The following NOVA1 variants were observed in gnomAD, a reference collection of about 807,000 sequenced individuals.
NOVA1 encodes RNA-binding protein Nova-1.
A neutral mutation model predicts 38.0 loss-of-function variants in NOVA1; 7 were observed. The observed-to-expected ratio is 0.18, with a 90% CI of 0.10 to 0.35. NOVA1 has a LOEUF of 0.35. NOVA1 is among the 10% of genes least tolerant of loss of function. NOVA1 has a pLI of 1.00. For missense variants in NOVA1, 460 were observed against 616.0 expected (o/e 0.75, Z 2.68); for synonymous variants, 270 against 232.5 (o/e 1.16, Z -1.47).
Position 26,476,180 on chromosome 14 carries a change from T to C in NOVA1, c.448-3789A>G, listed in dbSNP as rs554067336. 1.6e-3 allele frequency among the ~76,000 whole-genome samples: 241 copies of C among 152,322 alleles called. 5 individuals are homozygous for C. Among genetic ancestry groups the C allele is most frequent in the South Asian group, 0.015 (74 of 4,830 alleles). On this transcript the variant is annotated intron_variant, in intron 3 of 4. Coordinates refer to ENST00000539517, the MANE Select transcript of NOVA1 (RefSeq NM_002515.3). ...AATTTCTGACAAATATCTTCCTCTT[T>C]CCAACATGTGAACTGTCTTCCAGCA... is the stretch of plus-strand genomic sequence containing the variant.
chr14:26,500,749 G>T (rs1887191172), intron 2 of NOVA1, among the ~76,000 whole-genome samples: 1 of 151,880 alleles, frequency 6.6e-6, no homozygotes, highest in Admixed American at 6.6e-5. Flanking sequence ...AAATATAATT[G>T]TGTTATATAA....
chr14:26,566,882 T>C (rs1686128708), intron 2 of NOVA1, among the ~76,000 whole-genome samples: 1 of 152,142 alleles, frequency 6.6e-6, no homozygotes, highest in Admixed American at 6.5e-5. Flanking sequence ...CTTTTTAAAA[T>C]CTTCCTTAAG....
chr14:26,468,873 C>T (rs1442871664), intron 4 of NOVA1, among the ~76,000 whole-genome samples: 3 of 152,062 alleles, frequency 2.0e-5, no homozygotes, highest in African/African-American at 4.8e-5. Flanking sequence ...TTATTCTTTT[C>T]ATGAAATTTC....
At chr14:26,574,873 G>C (rs996371646) in intron 2 of NOVA1, among the ~76,000 whole-genome samples, 1 of 151,920 alleles carries the variant, frequency 6.6e-6, no homozygotes, top group African/African-American at 2.4e-5. Context: ...TGTTGCCCAG[G>C]CTGGTCTGAA....
chr14:26,523,431 T>C (rs1889046257), intron 2 of NOVA1, among the ~76,000 whole-genome samples: 1 of 152,214 alleles, frequency 6.6e-6, no homozygotes, highest in Non-Finnish European at 1.5e-5. Flanking sequence ...TCACATTCTC[T>C]TCTCTTCTTG....
Position 26,536,541 on chromosome 14 carries a change from T to G in NOVA1, c.281-56398A>C, listed in dbSNP as rs868338215. ...AAATTAAAAAAAATTTAAAAAGATA[T>G]AGCTGGCATAACTAGATTACTATTT... On this transcript the variant is annotated intron_variant, in intron 2 of 4. Coordinates refer to ENST00000539517, the MANE Select transcript of NOVA1 (RefSeq NM_002515.3). Among the ~76,000 whole-genome samples, 34 of 151,632 alleles carry G rather than the reference T, an allele frequency of 2.2e-4. 1 individual carries two copies. Among genetic ancestry groups the G allele is most frequent in the Non-Finnish European group, 4.4e-5 (3 of 67,906 alleles).
At chr14:26,488,066 A>G (rs1886057294) in intron 2 of NOVA1, among the ~76,000 whole-genome samples, 1 of 152,318 alleles carries the variant, frequency 6.6e-6, no homozygotes, top group East Asian at 1.9e-4. Flanking sequence ...AAAAAAAGAA[A>G]TCATAGGAAT....
chr14:26,580,014 C>T (rs1893111370), intron 2 of NOVA1, among the ~76,000 whole-genome samples: 1 of 151,968 alleles, frequency 6.6e-6, no homozygotes, highest in South Asian at 2.1e-4. Flanking sequence ...ACCATCTCAG[C>T]CTCCCAAGTA....
Position 26,447,802 on chromosome 14 carries a change from CAT to C in NOVA1, c.*155_*156del. On this transcript the variant is annotated 3_prime_UTR_variant, in exon 5 of 5. Coordinates refer to ENST00000539517, the MANE Select transcript of NOVA1 (RefSeq NM_002515.3). ...TTTCTATGAAACATCTGGTAAAACA[CAT>C]ATTATTTACATATACACATTGTCAA... is the stretch of plus-strand genomic sequence containing the variant. 1 of 632,004 alleles carries C rather than the reference CAT, an allele frequency of 1.6e-6. No individual in the cohort carries two copies. The allele number at this position is 632,004 out of a possible 1,614,324, so 39.1% of individuals were successfully genotyped here.
At chr14:26,520,715 AG>A (rs1217419291) in intron 2 of NOVA1, among the ~76,000 whole-genome samples, 5 of 152,218 alleles carry the variant, frequency 3.3e-5, no homozygotes, top group Admixed American at 6.5e-5. Context: ...AATTTTAGTG[AG>A]GGGACAAATT....
At chr14:26,562,343 G>C (rs1202300849) in intron 2 of NOVA1, among the ~76,000 whole-genome samples, 1 of 152,056 alleles carries the variant, frequency 6.6e-6, no homozygotes, top group Admixed American at 6.6e-5. Context: ...AATGGGATTG[G>C]TTTGAGTATC....
intron 2 of NOVA1, among the ~76,000 whole-genome samples, chr14:26,540,674 T>C (rs1256328691): frequency 1.3e-5 from 2 of 152,206 alleles, no homozygotes; most frequent in Non-Finnish European, 1.5e-5. Context: ...GTGGTAACAC[T>C]AATAAGAGTA....
At chr14:26,525,910 C>A (rs2138525093) in intron 2 of NOVA1, among the ~76,000 whole-genome samples, 1 of 152,154 alleles carries the variant, frequency 6.6e-6, no homozygotes, top group Middle Eastern at 3.4e-3. Flanking sequence ...GCCAATAATA[C>A]ACATTCTTTT....
chr14:26,466,887 T>C (rs968828661), intron 4 of NOVA1, among the ~76,000 whole-genome samples: 3 of 152,204 alleles, frequency 2.0e-5, no homozygotes, highest in Non-Finnish European at 2.9e-5. Context: ...AAAGCCCTCA[T>C]CAGATGCCAG....
intron 4 of NOVA1, chr14:26,470,455 T>C (rs376879566): frequency 1.2e-5 from 18 of 1,561,956 alleles, no homozygotes; most frequent in Non-Finnish European, 1.5e-5. Context: ...TCTTCTCTTA[T>C]ATCTTGCTTC....
At chr14:26,490,810 G>A (rs192412624) in intron 2 of NOVA1, among the ~76,000 whole-genome samples, 283 of 147,910 alleles carry the variant, frequency 1.9e-3, no homozygotes, top group African/African-American at 4.4e-3. Context: ...CCAAGTAGGT[G>A]AACTACAGGT....
intron 2 of NOVA1, among the ~76,000 whole-genome samples, chr14:26,525,017 A>G (rs575814570): frequency 6.6e-6 from 1 of 152,304 alleles, no homozygotes; most frequent in East Asian, 1.9e-4. Context: ...AAACAAAAAT[A>G]ATTTCACATA....
chr14:26,459,009 A>T (rs868751760), intron 4 of NOVA1, among the ~76,000 whole-genome samples: 4 of 152,044 alleles, frequency 2.6e-5, no homozygotes, highest in Non-Finnish European at 5.9e-5. Context: ...TTTTTATACA[A>T]TTAGTGTGCC....
intron 4 of NOVA1, among the ~76,000 whole-genome samples, chr14:26,464,083 G>T (rs1410038675): frequency 6.6e-6 from 1 of 152,112 alleles, no homozygotes; most frequent in Non-Finnish European, 1.5e-5. Context: ...GATTTGATTG[G>T]AAGCCAGGTA....
Sources: gnomAD v4.1 joint callset for allele counts (sites outside exome capture counted in the v4.1 genomes callset) on GRCh38, gnomAD v4.1.1 for gene constraint, MANE v1.5 for transcripts, NCBI Gene and HGNC (gene_info 2026-07-23, HGNC 2026-07-21) for gene names.